The following SNX29 variants were observed in gnomAD, a reference collection of about 807,000 sequenced individuals.
SNX29 encodes sorting nexin 29, also known as sorting nexin-29.
In SNX29, 78 loss-of-function variants were observed where a neutral mutation model predicts 102.1. That is an observed-to-expected ratio of 0.76 (90% CI 0.64 to 0.92). The LOEUF (loss-of-function observed/expected upper bound fraction) is 0.92. Among genes scored for constraint, SNX29 ranks in the 40% least tolerant of loss-of-function variants. SNX29 has a pLI of 0.00. For synonymous variants in SNX29, 580 were observed against 414.5 expected (o/e 1.40, Z -4.85); for missense variants, 1,280 against 1,061.7 (o/e 1.21, Z -2.86).
chr16:12,326,807 G>T (rs2081134414), intron 15 of SNX29, among the ~76,000 whole-genome samples: 1 of 152,230 alleles, frequency 6.6e-6, no homozygotes, highest in South Asian at 2.1e-4. Flanking sequence ...GGCTGGGGCA[G>T]TGTGGTAGGG....
chr16:12,392,984 G>C (rs1486808059), intron 16 of SNX29, among the ~76,000 whole-genome samples: 1 of 152,168 alleles, frequency 6.6e-6, no homozygotes, highest in Non-Finnish European at 1.5e-5. Flanking sequence ...TTCACATTCT[G>C]TTCCTTATTA....
chr16:12,268,084 C>T (rs1353417929), intron 14 of SNX29, among the ~76,000 whole-genome samples: 1 of 152,254 alleles, frequency 6.6e-6, no homozygotes, highest in Non-Finnish European at 1.5e-5. Context: ...ATCCCAGTCT[C>T]TGCTCAGACA....
intron 14 of SNX29, among the ~76,000 whole-genome samples, chr16:12,202,959 T>A (rs569515849): frequency 6.6e-6 from 1 of 152,190 alleles, no homozygotes; most frequent in Non-Finnish European, 1.5e-5. Flanking sequence ...AGGTGACATT[T>A]CTGAAGTTGT....
At chr16:12,355,866 AAAAAAAAAAAGAGAG>A (rs2082118724) in intron 15 of SNX29, among the ~76,000 whole-genome samples, 2 of 140,796 alleles carry the variant, frequency 1.4e-5, no homozygotes, top group Non-Finnish European at 1.5e-5. Context: ...AAAAAAAAAA[AAAAAAAAAAAGAGAG>A]AGGAAAAAAA....
intron 11 of SNX29, among the ~76,000 whole-genome samples, chr16:12,086,267 G>A (rs1332226088): frequency 6.6e-6 from 1 of 152,124 alleles, no homozygotes; most frequent in African/African-American, 2.4e-5. Flanking sequence ...GCGTCTCAAA[G>A]TGTTGGGATT....
intron 4 of SNX29, chr16:12,029,557 C>A (rs529730588): frequency 5.7e-5 from 26 of 452,220 alleles, no homozygotes; most frequent in Non-Finnish European, 1.1e-4. Context: ...CCGTTATTGG[C>A]GTTTGATGCA....
chr16:12,556,119 C>G (rs1010195291), intron 20 of SNX29, among the ~76,000 whole-genome samples: 6 of 152,096 alleles, frequency 3.9e-5, no homozygotes, highest in Non-Finnish European at 7.3e-5. Flanking sequence ...GGTTATTACT[C>G]TTATGTTCTC....
At position 12,261,899 on chromosome 16, in the gene SNX29, T is replaced by C. The variant is rs1394776354; in HGVS notation, c.1679-16034T>C. 1.1e-4 allele frequency among the ~76,000 whole-genome samples: 13 copies of C among 118,646 alleles called. No individual in the cohort carries two copies. In the East Asian group the frequency reaches 2.1e-3, roughly 19 times the overall value. The allele number at this position is 118,646 out of a possible 152,430, so 77.8% of individuals were successfully genotyped here. ...TGTTTGCTGAGCTCGGGTCTGTGCA[T>C]GCGTCCCCGGCTGGAGTGAGTGGTT... On this transcript the variant is annotated intron_variant, in intron 14 of 20. Transcript: ENST00000566228.
At chr16:12,080,042 C>T (rs922501684) in intron 11 of SNX29, among the ~76,000 whole-genome samples, 8 of 152,080 alleles carry the variant, frequency 5.3e-5, no homozygotes, top group Admixed American at 5.2e-4. Context: ...TATTTTAATA[C>T]ATTTTCCTGA....
At chr16:12,133,333 C>T (rs1352549578) in intron 13 of SNX29, among the ~76,000 whole-genome samples, 1 of 135,608 alleles carries the variant, frequency 7.4e-6, no homozygotes, top group Non-Finnish European at 1.5e-5. Flanking sequence ...CTCTGTCACC[C>T]AGGCTGGAGT....
chr16:12,122,255 C>T (rs906201668), intron 11 of SNX29, among the ~76,000 whole-genome samples: 14 of 152,170 alleles, frequency 9.2e-5, no homozygotes, highest in African/African-American at 2.9e-4. Context: ...CACCTTCCTT[C>T]GCGTCTCTTG....
intron 16 of SNX29, among the ~76,000 whole-genome samples, chr16:12,365,326 T>TTG (rs58869867): frequency 0.11 from 15,714 of 139,402 alleles, 1,202 homozygotes; most frequent in East Asian, 0.26. Flanking sequence ...ACATCAGGAT[T>TTG]TGTGTGTGTG....
chr16:12,529,867 C>T (rs1464915407), intron 20 of SNX29, among the ~76,000 whole-genome samples: 1 of 152,200 alleles, frequency 6.6e-6, no homozygotes, highest in Non-Finnish European at 1.5e-5. Flanking sequence ...CAGGAAGTAG[C>T]AACTTTTGAC....
chr16:12,019,977 A>G (rs2056971343), intron 3 of SNX29, among the ~76,000 whole-genome samples: 1 of 152,102 alleles, frequency 6.6e-6, no homozygotes, highest in Non-Finnish European at 1.5e-5. Context: ...CATACTTAAC[A>G]TACAGTTACC....
At chr16:12,549,816 T>G (rs1025111870) in intron 20 of SNX29, among the ~76,000 whole-genome samples, 3 of 152,246 alleles carry the variant, frequency 2.0e-5, no homozygotes, top group African/African-American at 2.4e-5. Context: ...TTCTGTGCCC[T>G]GTGTGGCCAG....
intron 19 of SNX29, among the ~76,000 whole-genome samples, chr16:12,489,722 C>G (rs4510028): frequency 2.0e-5 from 3 of 152,116 alleles, no homozygotes; most frequent in Non-Finnish European, 4.4e-5. Context: ...GTGACAACTC[C>G]CACATAGGCA....
intron 19 of SNX29, among the ~76,000 whole-genome samples, chr16:12,516,370 C>T (rs927825476): frequency 6.6e-6 from 1 of 151,436 alleles, no homozygotes; most frequent in Non-Finnish European, 1.5e-5. Flanking sequence ...GTCCCAGCTA[C>T]ACTGGAGGCT....
chr16:12,135,948 C>T (rs981568911), intron 13 of SNX29, among the ~76,000 whole-genome samples: 3 of 152,118 alleles, frequency 2.0e-5, no homozygotes, highest in Non-Finnish European at 4.4e-5. Flanking sequence ...GGGGGAGCCC[C>T]TTGGACTGCT....
intron 20 of SNX29, among the ~76,000 whole-genome samples, chr16:12,542,195 C>G (rs180976936): frequency 1.3e-5 from 2 of 152,278 alleles, no homozygotes; most frequent in Admixed American, 1.3e-4. Flanking sequence ...CTTTTCCACA[C>G]AGGGTGTCAA....
Sources: gnomAD v4.1 joint callset for allele counts (sites outside exome capture counted in the v4.1 genomes callset) on GRCh38, gnomAD v4.1.1 for gene constraint, MANE v1.5 for transcripts, NCBI Gene and HGNC (gene_info 2026-07-23, HGNC 2026-07-21) for gene names.